The following CFAP144 variants were observed in gnomAD, a reference collection of about 807,000 sequenced individuals.
CFAP144 encodes cilia- and flagella-associated protein 144.
At chr1:43,154,743 T>C in the CFAP144 span, among the ~76,000 whole-genome samples, 1 of 152,032 alleles carries the variant, frequency 6.6e-6, no homozygotes, top group African/African-American at 2.4e-5. Context: ...GTGAAGGGCA[T>C]AGGCACCACT....
the CFAP144 span, among the ~76,000 whole-genome samples, chr1:43,154,742 A>G: frequency 6.6e-6 from 1 of 152,194 alleles, no homozygotes; most frequent in East Asian, 1.9e-4. Flanking sequence ...TGTGAAGGGC[A>G]TAGGCACCAC....
the CFAP144 span, chr1:43,156,357 GT>G: frequency 7.0e-7 from 1 of 1,419,210 alleles, no homozygotes. Context: ...TGCCTTAAGT[GT>G]GCACAGCCCA....
chr1:43,146,526 T>C, the CFAP144 span, among the ~76,000 whole-genome samples: 2 of 152,174 alleles, frequency 1.3e-5, no homozygotes, highest in Non-Finnish European at 2.9e-5. Context: ...TTTGACTACG[T>C]TTAACTTTTG....
At chr1:43,148,041 C>T in the CFAP144 span, 1 of 1,613,944 alleles carries the variant, frequency 6.2e-7, no homozygotes, top group African/African-American at 1.3e-5. Flanking sequence ...AGCTACGAAC[C>T]CAGAAACTCT....
chr1:43,154,181 T>A, the CFAP144 span, among the ~76,000 whole-genome samples: 1 of 140,904 alleles, frequency 7.1e-6, no homozygotes, highest in Admixed American at 7.2e-5. Flanking sequence ...TATTTATATA[T>A]GTAAATATAT....
At chr1:43,149,850 T>C in the CFAP144 span, among the ~76,000 whole-genome samples, 2 of 152,212 alleles carry the variant, frequency 1.3e-5, no homozygotes, top group Non-Finnish European at 2.9e-5. Context: ...TGCTCTAAAG[T>C]TCTTTTACTG....
At chr1:43,149,725 G>A in the CFAP144 span, among the ~76,000 whole-genome samples, 1 of 152,180 alleles carries the variant, frequency 6.6e-6, no homozygotes, top group Non-Finnish European at 1.5e-5. Flanking sequence ...AATAAAGTGA[G>A]AAAATATTAC....
At chr1:43,150,054 A>G in the CFAP144 span, among the ~76,000 whole-genome samples, 5 of 152,162 alleles carry the variant, frequency 3.3e-5, no homozygotes, top group East Asian at 9.6e-4. Flanking sequence ...AACTCTGCTC[A>G]TATGTATCTC....
At chr1:43,153,625 T>G in the CFAP144 span, among the ~76,000 whole-genome samples, 1 of 150,858 alleles carries the variant, frequency 6.6e-6, no homozygotes, top group African/African-American at 2.4e-5. Context: ...AATATTAATT[T>G]TAAAAATATA....
At chr1:43,148,840 T>TA in the CFAP144 span, among the ~76,000 whole-genome samples, 3 of 151,980 alleles carry the variant, frequency 2.0e-5, no homozygotes, top group Non-Finnish European at 4.4e-5. Flanking sequence ...TCCACACACT[T>TA]AAAAAAAGGC....
At chr1:43,149,461 CTG>C in the CFAP144 span, among the ~76,000 whole-genome samples, 1 of 152,248 alleles carries the variant, frequency 6.6e-6, no homozygotes, top group African/African-American at 2.4e-5. Flanking sequence ...TCTCCCAACT[CTG>C]TGCCTAATAT....
At chr1:43,148,175 C>A in the CFAP144 span, 2 of 1,358,748 alleles carry the variant, frequency 1.5e-6, no homozygotes, top group Non-Finnish European at 2.0e-6. Flanking sequence ...GAACGCGGTC[C>A]CAGCAAAAAC....
the CFAP144 span, chr1:43,147,958 G>A: frequency 5.0e-6 from 8 of 1,613,950 alleles, no homozygotes; most frequent in Admixed American, 1.3e-4. Context: ...GGCCATGGCG[G>A]GACACCCAAA....
the CFAP144 span, chr1:43,147,950 C>T: frequency 6.2e-7 from 1 of 1,613,856 alleles, no homozygotes; most frequent in South Asian, 1.1e-5. Flanking sequence ...CAGCCCAAGG[C>T]CATGGCGGGA....
chr1:43,151,563 C>G, the CFAP144 span, among the ~76,000 whole-genome samples: 6 of 152,180 alleles, frequency 3.9e-5, 1 homozygote, highest in East Asian at 3.9e-4. Flanking sequence ...ATTCCGAGTT[C>G]TATAGAAAGT....
At chr1:43,150,551 T>C in the CFAP144 span, among the ~76,000 whole-genome samples, 1 of 152,260 alleles carries the variant, frequency 6.6e-6, no homozygotes, top group Non-Finnish European at 1.5e-5. Context: ...ATGTGGCTGA[T>C]GACCACCATT....
At chr1:43,147,759 G>A in the CFAP144 span, 1 of 1,441,984 alleles carries the variant, frequency 6.9e-7, no homozygotes, top group Non-Finnish European at 9.1e-7. Flanking sequence ...ATAAGATCCC[G>A]ACCGGCGGGC....
the CFAP144 span, among the ~76,000 whole-genome samples, chr1:43,143,818 G>T: frequency 6.6e-6 from 1 of 152,214 alleles, no homozygotes; most frequent in Non-Finnish European, 1.5e-5. Flanking sequence ...GTTCAGAGAC[G>T]CAGGAGGAGG....
At chr1:43,150,978 A>G in the CFAP144 span, among the ~76,000 whole-genome samples, 17 of 152,212 alleles carry the variant, frequency 1.1e-4, no homozygotes, top group Non-Finnish European at 2.4e-4. Context: ...AAAAAGACGG[A>G]TACTCAGACA....
Sources: allele counts gnomAD v4.1 joint callset (sites outside exome capture counted in the v4.1 genomes callset), GRCh38; gene constraint gnomAD v4.1.1; transcripts MANE v1.5; gene names NCBI Gene and HGNC (gene_info 2026-07-23, HGNC 2026-07-21).